KCNH8: variants seen among roughly 807,000 people sequenced by gnomAD.
KCNH8 encodes the protein voltage-gated delayed rectifier potassium channel KCNH8.
A neutral mutation model predicts 103.6 loss-of-function variants in KCNH8; 70 were observed. The ratio of observed to expected loss-of-function variants is 0.68; its 90% CI spans 0.56 to 0.82. The LOEUF is 0.82. Ranked by LOEUF, KCNH8 falls within the 40% of genes least tolerant of loss-of-function variation. KCNH8 has a pLI of 0.00. For synonymous variants in KCNH8, 498 were observed against 489.4 expected (o/e 1.02, Z -0.23); for missense variants, 1,217 against 1,329.9 (o/e 0.92, Z 1.32).
intron 7 of KCNH8, among the ~76,000 whole-genome samples, chr3:19,416,641 T>C (rs1352781487): frequency 2.6e-5 from 4 of 152,196 alleles, no homozygotes; most frequent in African/African-American, 9.6e-5. Context: ...AGAAATCCTG[T>C]GCACACTGAG....
intron 11 of KCNH8, among the ~76,000 whole-genome samples, chr3:19,473,208 C>A (rs905370914): frequency 1.3e-5 from 2 of 152,332 alleles, no homozygotes; most frequent in Non-Finnish European, 1.5e-5. Flanking sequence ...ATGGGTTAGT[C>A]TTCTTCTGAT....
At chr3:19,507,728 T>G (rs2068719755) in intron 11 of KCNH8, among the ~76,000 whole-genome samples, 1 of 152,074 alleles carries the variant, frequency 6.6e-6, no homozygotes, top group South Asian at 2.1e-4. Context: ...GTCTGGCTGC[T>G]TTTTCCACAG....
intron 2 of KCNH8, among the ~76,000 whole-genome samples, chr3:19,257,023 C>T (rs539025759): frequency 1.3e-5 from 2 of 152,168 alleles, no homozygotes; most frequent in East Asian, 1.9e-4. Context: ...CAGTGTTCAT[C>T]AGATGGTAGT....
chr3:19,269,271 T>A (rs2064555644), intron 2 of KCNH8, among the ~76,000 whole-genome samples: 1 of 152,100 alleles, frequency 6.6e-6, no homozygotes, highest in Non-Finnish European at 1.5e-5. Context: ...GGAGAGCTAT[T>A]TTTCTTTAAG....
intron 5 of KCNH8, among the ~76,000 whole-genome samples, chr3:19,371,205 A>G (rs2066088291): frequency 6.8e-6 from 1 of 147,114 alleles, no homozygotes; most frequent in African/African-American, 2.5e-5. Context: ...ACAATGGTTG[A>G]ACTAGTTTAC....
intron 1 of KCNH8, among the ~76,000 whole-genome samples, chr3:19,156,438 T>A (rs1257531415): frequency 6.6e-6 from 1 of 152,202 alleles, no homozygotes; most frequent in Non-Finnish European, 1.5e-5. Context: ...AAATGAGATA[T>A]TTCTTTAAAG....
intron 7 of KCNH8, among the ~76,000 whole-genome samples, chr3:19,400,257 C>CAAAAAA (rs2066592629): frequency 1.5e-5 from 1 of 65,172 alleles, no homozygotes. Flanking sequence ...AAAAAAAAAG[C>CAAAAAA]ATCATAATGT....
At chr3:19,221,152 G>A (rs1317916847) in intron 1 of KCNH8, among the ~76,000 whole-genome samples, 2 of 152,198 alleles carry the variant, frequency 1.3e-5, no homozygotes. Flanking sequence ...AGGTTAGATT[G>A]AGCAGTATAT....
chr3:19,486,985 T>C (rs1434310001), intron 11 of KCNH8, among the ~76,000 whole-genome samples: 1 of 152,174 alleles, frequency 6.6e-6, no homozygotes, highest in Admixed American at 6.6e-5. Flanking sequence ...GGTGCTGAAG[T>C]AGGACATCCG....
At chr3:19,406,758 C>G (rs941457877) in intron 7 of KCNH8, among the ~76,000 whole-genome samples, 1 of 152,062 alleles carries the variant, frequency 6.6e-6, no homozygotes, top group African/African-American at 2.4e-5. Flanking sequence ...TTCTAAATCC[C>G]TAATTTTACT....
intron 7 of KCNH8, among the ~76,000 whole-genome samples, chr3:19,430,410 G>GT (rs538293062): frequency 0.014 from 2,125 of 150,206 alleles, 93 homozygotes; most frequent in Admixed American, 0.088. Flanking sequence ...CTCCAGCTTT[G>GT]TTTTTTTTTG....
rs2069204594 is a variant in KCNH8 at position 19,533,513 on chromosome 3, C to T, written c.2738C>T (p.Thr913Ile). The change falls in exon 16 of 16, where the codon ACC becomes ATC. Residue 913 changes from threonine to isoleucine, a missense_variant. By Grantham distance (89) the Thr-to-Ile change is moderately conservative. Around this residue, in one of 3 missense-constraint regions of KCNH8, gnomAD observed 558 missense variants for 495.8 expected, o/e 1.13. Transcript: ENST00000328405. ...QPSRFCSLHSTSVCPSRESLQ... is the reference protein window; with the variant it reads ...QPSRFCSLHSISVCPSRESLQ... Reference sequence around the variant, plus strand: ...TCACGGTTTTGCTCTTTGCACAGCACCTCTGTGTGTCCCTCCAGGGAGAGC... The same window carrying T: ...TCACGGTTTTGCTCTTTGCACAGCATCTCTGTGTGTCCCTCCAGGGAGAGC... 2 of 1,614,176 alleles carry T rather than the reference C, an allele frequency of 1.2e-6. No individual in the cohort carries two copies. The highest frequency in any genetic ancestry group is 1.7e-6 in the Non-Finnish European group (2 of 1,180,020).
rs1391894161 is a variant in KCNH8 at position 19,395,242 on chromosome 3, A to T, written c.1108A>T (p.Met370Leu). ...MSMFALLAHWMACIWYVIGKM... is the reference protein window; with the variant it reads ...MSMFALLAHWLACIWYVIGKM... ...CATGTTTGCACTCCTTGCACACTGG[A>T]TGGCGTGTATCTGGTACGTCATTGG... The change falls in exon 7 of 16, where the codon ATG becomes TTG. Residue 370 changes from methionine to leucine, a missense_variant. Around this residue, in one of 3 missense-constraint regions of KCNH8, gnomAD observed 415 missense variants for 577.4 expected, o/e 0.72. Coordinates refer to ENST00000328405, the MANE Select transcript of KCNH8 (RefSeq NM_144633.3). 2 of 1,609,634 alleles carry T rather than the reference A, an allele frequency of 1.2e-6. No individual in the cohort carries two copies. Among genetic ancestry groups the T allele is most frequent in the Non-Finnish European group, 1.7e-6 (2 of 1,178,064 alleles).
At chr3:19,472,259 GAAT>G (rs1473437495) in intron 11 of KCNH8, among the ~76,000 whole-genome samples, 1 of 149,414 alleles carries the variant, frequency 6.7e-6, no homozygotes, top group Non-Finnish European at 1.5e-5. Flanking sequence ...AATGTCCACA[GAAT>G]AACAGAATGT....
intron 7 of KCNH8, among the ~76,000 whole-genome samples, chr3:19,400,107 T>C (rs2066588377): frequency 6.6e-6 from 1 of 151,536 alleles, no homozygotes; most frequent in Non-Finnish European, 1.5e-5. Context: ...AGACACAGAC[T>C]GCCAGGACAA....
chr3:19,487,579 C>T (rs558968843), intron 11 of KCNH8, among the ~76,000 whole-genome samples: 12 of 152,252 alleles, frequency 7.9e-5, no homozygotes, highest in African/African-American at 2.4e-4. Flanking sequence ...TCTGTGAGTA[C>T]GGGTGCTTGA....
intron 1 of KCNH8, among the ~76,000 whole-genome samples, chr3:19,221,590 C>T (rs1011707807): frequency 6.6e-6 from 1 of 151,708 alleles, no homozygotes; most frequent in Non-Finnish European, 1.5e-5. Flanking sequence ...AGAATTTTTC[C>T]TATTTTTAAA....
intron 8 of KCNH8, among the ~76,000 whole-genome samples, chr3:19,443,134 C>T (rs1483163848): frequency 2.0e-5 from 3 of 151,556 alleles, no homozygotes; most frequent in African/African-American, 7.3e-5. Context: ...GGGTATCTCA[C>T]TAGGAATCCC....
chr3:19,374,417 G>C (rs2066156702), intron 5 of KCNH8, among the ~76,000 whole-genome samples: 1 of 151,810 alleles, frequency 6.6e-6, no homozygotes, highest in Non-Finnish European at 1.5e-5. Context: ...TTTTATCAGA[G>C]ACTAGGATTG....
Sources: allele counts gnomAD v4.1 joint callset (sites outside exome capture counted in the v4.1 genomes callset), GRCh38; gene constraint gnomAD v4.1.1; regional missense constraint gnomAD v4.1.1; transcripts MANE v1.5; gene names NCBI Gene and HGNC (gene_info 2026-07-23, HGNC 2026-07-21).